The following PRR16 variants were observed in gnomAD, a reference collection of about 807,000 sequenced individuals.
PRR16 encodes the protein protein Largen.
Under a neutral mutation model 18.2 loss-of-function variants are expected in PRR16, and 6 were observed. That is an observed-to-expected ratio of 0.33 (90% CI 0.18 to 0.65). The LOEUF is 0.65. Ranked by LOEUF, PRR16 falls within the 30% of genes least tolerant of loss-of-function variation. The pLI is 0.74. For synonymous variants in PRR16, 151 were observed against 147.8 expected, an observed-to-expected ratio of 1.02 and a Z score of -0.16; for missense variants, 412 against 376.6, an observed-to-expected ratio of 1.09 and a Z score of -0.78.
At position 120,484,293 on chromosome 5, in the gene PRR16, T is replaced by C. The variant is rs542011411; in HGVS notation, c.159+19648T>C. ...TAAAAAAGAAAATAAATATATGTCT[T>C]ATGTATAATATATAATATATAATTT... is the stretch of plus-strand genomic sequence containing the variant. On this transcript the variant is annotated intron_variant, in intron 1 of 1. Transcript: ENST00000407149. Among the ~76,000 whole-genome samples, 806 of 147,572 alleles carry C rather than the reference T, an allele frequency of 5.5e-3. 5 individuals are homozygous for C. Among genetic ancestry groups the C allele is most frequent in the Non-Finnish European group, 8.3e-3 (558 of 67,068 alleles).
intron 1 of PRR16, among the ~76,000 whole-genome samples, chr5:120,623,140 T>C (rs1754746066): frequency 6.6e-6 from 1 of 151,984 alleles, no homozygotes; most frequent in African/African-American, 2.4e-5. Flanking sequence ...TATTTTAGGA[T>C]AGAAAGAGAA....
At chr5:120,550,316 G>T (rs1752214468) in intron 1 of PRR16, among the ~76,000 whole-genome samples, 1 of 151,976 alleles carries the variant, frequency 6.6e-6, no homozygotes, top group South Asian at 2.1e-4. Flanking sequence ...GAGTAGAATA[G>T]AAATTACTTG....
At chr5:120,604,235 C>T (rs1754077960) in intron 1 of PRR16, among the ~76,000 whole-genome samples, 1 of 151,926 alleles carries the variant, frequency 6.6e-6, no homozygotes. Flanking sequence ...CTAGGTACTC[C>T]TGTGGTGGGA....
At chr5:120,622,961 A>G (rs1754739477) in intron 1 of PRR16, among the ~76,000 whole-genome samples, 1 of 152,282 alleles carries the variant, frequency 6.6e-6, no homozygotes, top group East Asian at 1.9e-4. Flanking sequence ...GTAATTTTCT[A>G]CTTATAAACA....
At chr5:120,638,694 A>G (rs2112852732) in intron 1 of PRR16, among the ~76,000 whole-genome samples, 1 of 152,256 alleles carries the variant, frequency 6.6e-6, no homozygotes, top group East Asian at 1.9e-4. Context: ...ATTCACGCAC[A>G]GGCAAACACA....
chr5:120,579,368 G>A (rs1441564689), intron 1 of PRR16, among the ~76,000 whole-genome samples: 1 of 151,988 alleles, frequency 6.6e-6, no homozygotes, highest in African/African-American at 2.4e-5. Context: ...TTTCTTCTAG[G>A]GTTTTTATAG....
chr5:120,781,353 G>C, the PRR16 span: 3 of 152,146 alleles, frequency 2.0e-5, no homozygotes, highest in Admixed American at 2.0e-4. Flanking sequence ...GAAGAAACGG[G>C]TAGACCTGGG....
the PRR16 span, chr5:120,790,001 G>A: frequency 6.6e-6 from 1 of 152,040 alleles, no homozygotes; most frequent in Non-Finnish European, 1.5e-5. Flanking sequence ...ATGTCAATTC[G>A]TTTTTCTCAC....
intron 1 of PRR16, among the ~76,000 whole-genome samples, chr5:120,509,513 T>C (rs1750752962): frequency 6.6e-6 from 1 of 152,066 alleles, no homozygotes; most frequent in African/African-American, 2.4e-5. Flanking sequence ...TAAGAAGGGC[T>C]CCTCCACTGA....
chr5:120,520,352 G>A (rs926953224), intron 1 of PRR16, among the ~76,000 whole-genome samples: 2 of 152,118 alleles, frequency 1.3e-5, no homozygotes, highest in Non-Finnish European at 2.9e-5. Context: ...CCAAGATCAT[G>A]CCACTGCACT....
the PRR16 span, among the ~76,000 whole-genome samples, chr5:120,702,006 G>A: frequency 6.6e-6 from 1 of 152,096 alleles, no homozygotes; most frequent in Admixed American, 6.6e-5. Flanking sequence ...AATGGAAGAG[G>A]TTTTAAGTTT....
intron 1 of PRR16, among the ~76,000 whole-genome samples, chr5:120,508,028 C>T (rs986157984): frequency 6.6e-6 from 1 of 152,136 alleles, no homozygotes; most frequent in Admixed American, 6.6e-5. Context: ...CTATATTTCT[C>T]AACCTCTCCT....
chr5:120,749,840 C>A, the PRR16 span, among the ~76,000 whole-genome samples: 4 of 152,002 alleles, frequency 2.6e-5, no homozygotes, highest in East Asian at 7.7e-4. Flanking sequence ...TACAAAAGAA[C>A]CAAAGAGTAT....
intron 1 of PRR16, chr5:120,658,380 G>A (rs1756058739): frequency 6.7e-6 from 1 of 148,956 alleles, no homozygotes; most frequent in Non-Finnish European, 1.5e-5. Context: ...GAATTCTCTT[G>A]TTCTTCATGG....
chr5:120,516,298 A>C (rs1750988872), intron 1 of PRR16, among the ~76,000 whole-genome samples: 1 of 151,906 alleles, frequency 6.6e-6, no homozygotes, highest in African/African-American at 2.4e-5. Context: ...GGTGGCGGGT[A>C]CCTGTAGTCC....
intron 1 of PRR16, among the ~76,000 whole-genome samples, chr5:120,602,870 T>G (rs935568804): frequency 1.3e-5 from 2 of 152,146 alleles, no homozygotes; most frequent in African/African-American, 4.8e-5. Context: ...TTACATTTAC[T>G]GATTTTCGTG....
rs1388679393 is a variant in PRR16 at position 120,530,219 on chromosome 5, C to G, written c.159+65574C>G. 2.3e-5 allele frequency among the ~76,000 whole-genome samples: 3 copies of G among 130,594 alleles called. No homozygotes were observed. In the East Asian group the frequency reaches 6.3e-4, roughly 28 times the overall value. 85.7% of individuals were successfully genotyped at this position (130,594 alleles called of 152,430 possible). A position where few individuals can be genotyped will look rare whatever the true frequency, so the allele number is the denominator to read the frequency against. ...ATATATATATAATATTATATATTAG[C>G]AAAGAATTGTGCTGTTTTACCTGAA... is the stretch of plus-strand genomic sequence containing the variant. On this transcript the variant is annotated intron_variant, in intron 1 of 1. Coordinates refer to ENST00000407149, the MANE Select transcript of PRR16 (RefSeq NM_001300783.2).
At chr5:120,666,795 C>T (rs1756394707) in intron 1 of PRR16, among the ~76,000 whole-genome samples, 3 of 144,854 alleles carry the variant, frequency 2.1e-5, no homozygotes, top group African/African-American at 7.8e-5. Flanking sequence ...AGCCTTGCAT[C>T]CCAGGGATGA....
At chr5:120,704,291 G>C in the PRR16 span, among the ~76,000 whole-genome samples, 1 of 152,264 alleles carries the variant, frequency 6.6e-6, no homozygotes, top group Admixed American at 6.5e-5. Flanking sequence ...GATGGATGGA[G>C]GGGAGGCCTG....
Sources: gnomAD v4.1 joint callset for allele counts (sites outside exome capture counted in the v4.1 genomes callset) on GRCh38, gnomAD v4.1.1 for gene constraint, MANE v1.5 for transcripts, NCBI Gene and HGNC (gene_info 2026-07-23, HGNC 2026-07-21) for gene names.